Variants in MDM1 observed in about 807,000 individuals in gnomAD.
The protein encoded by MDM1 is stabilizer of axonemal microtubules 6, also known as Mdm1 nuclear protein.
MDM1 carries 61 observed loss-of-function variants against 89.1 expected under a neutral mutation model. The ratio of observed to expected loss-of-function variants is 0.68; its 90% CI spans 0.56 to 0.85. The LOEUF (loss-of-function observed/expected upper bound fraction) is 0.85, where lower values mean the gene tolerates loss of function less well. Among genes scored for constraint, MDM1 ranks in the 40% least tolerant of loss-of-function variants. MDM1 has a pLI of 0.00. For missense variants in MDM1, 820 were observed against 846.5 expected (o/e 0.97, Z 0.39); for synonymous variants, 290 against 294.1 (o/e 0.99, Z 0.14).
chr12:68,331,051 G>A, intron 2 of MDM1, 56 bp downstream of exon 2: 1 of 1,000,034 alleles, frequency 1.0e-6, no homozygotes, highest in South Asian at 1.3e-5. Flanking sequence ...ATAACGGCTT[G>A]GCCCAAGTTA....
intron 14 of MDM1, among the ~76,000 whole-genome samples, chr12:68,296,372 C>T (rs1871389894): frequency 6.6e-6 from 1 of 152,144 alleles, no homozygotes; most frequent in Admixed American, 6.5e-5. Flanking sequence ...GTAGCGGATG[C>T]CTGTAATCCC....
At chr12:68,304,849 T>C (rs1252363213) in intron 12 of MDM1, among the ~76,000 whole-genome samples, 1 of 152,202 alleles carries the variant, frequency 6.6e-6, no homozygotes, top group Admixed American at 6.5e-5. Context: ...TCATATCCTA[T>C]TTGCTTTGTT....
At chr12:68,330,802 G>C (rs925178886) in intron 2 of MDM1, 6 of 296,122 alleles carry the variant, frequency 2.0e-5, no homozygotes, top group Non-Finnish European at 3.8e-5. Context: ...TTTGTGTAAG[G>C]GCACTGGCTT....
intron 12 of MDM1, among the ~76,000 whole-genome samples, chr12:68,306,235 C>A (rs1423313186): frequency 1.3e-5 from 2 of 151,262 alleles, no homozygotes; most frequent in Non-Finnish European, 2.9e-5. Flanking sequence ...TGAAATTGGA[C>A]CCCTATCTCT....
Position 68,294,990 on chromosome 12 carries a change from T to C in MDM1, c.*264A>G. 1 of 215,322 alleles carries C rather than the reference T, an allele frequency of 4.6e-6. No individual in the cohort carries two copies. The highest frequency in any genetic ancestry group is 2.3e-5 in the African/African-American group (1 of 42,972). 13.3% of individuals were successfully genotyped at this position (215,322 alleles called of 1,614,324 possible). A position where few individuals can be genotyped will look rare whatever the true frequency, so the allele number is the denominator to read the frequency against. On this transcript the variant is annotated 3_prime_UTR_variant, in exon 15 of 15. Transcript: ENST00000682720. ...TACTCTCTGGATAGGTGAAAATCTA[T>C]CCATGACACCTATTACGAAAGTTAC...
rs192097394 is a variant in MDM1, at chr12:68,295,053, G to A, written c.*201C>T. On this transcript the variant is annotated 3_prime_UTR_variant, in exon 15 of 15. Coordinates refer to ENST00000682720, the MANE Select transcript of MDM1 (RefSeq NM_001354969.2). ...CAATAATCTAGGTCTTTGTACTCTG[G>A]GATAGATGTAAAAAGAATTCTTTAA... 2.8e-6 allele frequency: 1 copy of A among 356,782 alleles called. No homozygotes were observed. The highest frequency in any genetic ancestry group is 4.4e-5 in the Admixed American group (1 of 22,616). 22.1% of individuals were successfully genotyped at this position (356,782 alleles called of 1,614,324 possible). A position where few individuals can be genotyped will look rare whatever the true frequency, so the allele number is the denominator to read the frequency against.
At position 68,325,116 on chromosome 12, in the gene MDM1, A is replaced by G. The variant is rs557673195; in HGVS notation, c.633+325T>C. On this transcript the variant is annotated intron_variant, in intron 4 of 14. Transcript: ENST00000682720. Reference sequence around the variant, plus strand: ...ACAAAACACAACATTTTAGAATAAAATCAATTTAATAATTTTTTAATAAGT... The same window carrying G: ...ACAAAACACAACATTTTAGAATAAAGTCAATTTAATAATTTTTTAATAAGT... The G allele has an allele frequency of 5.2e-6, 5 of 967,234 alleles. No homozygotes were observed. The African/African-American group carries it at 8.7e-5, about 17-fold the overall frequency. The allele number at this position is 967,234 out of a possible 1,614,324, so 59.9% of individuals were successfully genotyped here.
intron 10 of MDM1, among the ~76,000 whole-genome samples, chr12:68,314,206 A>G (rs1207689605): frequency 6.6e-6 from 1 of 152,134 alleles, no homozygotes; most frequent in Non-Finnish European, 1.5e-5. Flanking sequence ...CCAAATCCAC[A>G]TGCAGTTAAA....
chr12:68,319,912 A>T (rs1050575346), intron 7 of MDM1, among the ~76,000 whole-genome samples: 1 of 152,240 alleles, frequency 6.6e-6, no homozygotes, highest in Non-Finnish European at 1.5e-5. Flanking sequence ...CAGTTTTAAC[A>T]ATCTTCTCAA....
At chr12:68,297,119 T>A in intron 13 of MDM1, 137 bp from the exon 14 acceptor site, 1 of 452,342 alleles carries the variant, frequency 2.2e-6, no homozygotes, top group Non-Finnish European at 3.8e-6. Flanking sequence ...AGTAAAGGTT[T>A]AAGAAATGAA....
In MDM1 at chr12:68,325,450, T is replaced by G. The variant is rs911366430; in HGVS notation, c.624A>C (p.Ala208=). Reference sequence around the variant, plus strand: ...ACATCCATTAAGCTACCTGATTGGCTGCAAAAGCTGGAGCAGTTTCTTTAG... The same window carrying G: ...ACATCCATTAAGCTACCTGATTGGCGGCAAAAGCTGGAGCAGTTTCTTTAG... The part of the protein sequence containing the change: ...KTSKETAPAF[A]ANQVFHNKSQ... The change falls in exon 4 of 15, where the codon GCA becomes GCC. Residue 208 remains alanine, a synonymous_variant. Transcript: ENST00000682720. The G allele has an allele frequency of 6.4e-7, 1 of 1,572,530 alleles. No individual in the cohort carries two copies. The highest frequency in any genetic ancestry group is 1.4e-5 in the African/African-American group (1 of 73,122).
Position 68,326,684 on chromosome 12 carries a change from C to T in MDM1, c.471G>A (p.Lys157=). The change falls in exon 3 of 15, where the codon AAG becomes AAA. Residue 157 remains lysine (K), a synonymous_variant. Transcript: ENST00000682720. ...CATTATCTACATTTTCTGAAAGAAC[C>T]TTGGTAGAATGTTCCAGTTCCACAT... ...NENVELEHST[K]VLSENVDNGL... is the part of the protein sequence containing the mutation. 6.2e-7 allele frequency: 1 copy of T among 1,614,080 alleles called. No individual in the cohort carries two copies. The highest frequency in any genetic ancestry group is 8.5e-7 in the Non-Finnish European group (1 of 1,179,986).
intron 12 of MDM1, among the ~76,000 whole-genome samples, chr12:68,304,251 T>TAAAA (rs146956734): frequency 6.6e-6 from 1 of 150,996 alleles, no homozygotes; most frequent in Non-Finnish European, 1.5e-5. Flanking sequence ...TCTATTTATT[T>TAAAA]AAAAAAAAAA....
At chr12:68,321,719 A>C (rs1469817007) in intron 5 of MDM1, 91 bp from the exon 6 acceptor site, 7 of 726,494 alleles carry the variant, frequency 9.6e-6, no homozygotes, top group Non-Finnish European at 1.5e-5. Context: ...TTGAATATTT[A>C]ATGACATTTC....
chr12:68,295,605 A>G (rs1447578942), intron 14 of MDM1, among the ~76,000 whole-genome samples: 1 of 152,116 alleles, frequency 6.6e-6, no homozygotes, highest in East Asian at 1.9e-4. Context: ...TTATCGTTAA[A>G]TTTTTTTCCT....
intron 4 of MDM1, 44 bp downstream of exon 4, chr12:68,325,397 A>AT: frequency 7.0e-7 from 1 of 1,434,900 alleles, no homozygotes; most frequent in Non-Finnish European, 9.2e-7. Flanking sequence ...ACATTACTAG[A>AT]TAAGATAATG....
At chr12:68,316,313 A>G (rs1052500041) in intron 8 of MDM1, 60 bp from the exon 9 acceptor site, 1 of 1,506,432 alleles carries the variant, frequency 6.6e-7, no homozygotes, top group African/African-American at 1.4e-5. Flanking sequence ...AAACAGCACC[A>G]AGTAGCATAT....
In MDM1 at chr12:68,331,111, TTGATC is replaced by T. The variant is rs769544140; in HGVS notation, c.124_128del (p.Asp42IlefsTer19). 2 of 1,571,544 alleles carry T rather than the reference TTGATC, an allele frequency of 1.3e-6. No homozygotes were observed. The highest frequency in any genetic ancestry group is 1.7e-5 in the Admixed American group (1 of 59,978). ...CTATTAGCCTGCTCAACTTACCTAATTGATCTGATCTAAGTCCAGCCCATGGGTAC... is the reference window on the plus strand; with the variant it reads ...CTATTAGCCTGCTCAACTTACCTAATTGATCTAAGTCCAGCCCATGGGTAC... On this transcript the variant is annotated frameshift_variant, in exon 2 of 15. Coordinates refer to ENST00000682720, the MANE Select transcript of MDM1 (RefSeq NM_001354969.2). LOFTEE classifies it high-confidence loss of function.
chr12:68,332,259 G>A lies in MDM1; in HGVS notation c.-14C>T, dbSNP rs1466299809. 7.6e-6 allele frequency: 12 copies of A among 1,581,930 alleles called. No individual in the cohort carries two copies. The highest frequency in any genetic ancestry group is 1.0e-5 in the Non-Finnish European group (12 of 1,165,006). The stretch of plus-strand genomic sequence containing the variant: ...GCGCACCGGCATGTCGCCCGGCGCC[G>A]GAGCCCCCGCTACTCCGACAGTTAA... On this transcript the variant is annotated 5_prime_UTR_variant, in exon 1 of 15. Transcript: ENST00000682720.
Sources: allele counts gnomAD v4.1 joint callset (sites outside exome capture counted in the v4.1 genomes callset), GRCh38; gene constraint gnomAD v4.1.1; transcripts MANE v1.5; gene names NCBI Gene and HGNC (gene_info 2026-07-23, HGNC 2026-07-21).